Variants in TOP2B observed in about 807,000 individuals in gnomAD.
TOP2B encodes DNA topoisomerase II beta, also known as DNA topoisomerase 2-beta.
In TOP2B, 51 loss-of-function variants were observed where a neutral mutation model predicts 193.5. That is an observed-to-expected ratio of 0.26 (90% confidence interval 0.21 to 0.33). TOP2B has a LOEUF of 0.33. Among genes scored for constraint, TOP2B ranks in the 10% least tolerant of loss-of-function variants. TOP2B has a pLI of 1.00. For missense variants in TOP2B, 1,378 were observed against 1,909.3 expected (o/e 0.72, Z 5.19); for synonymous variants, 634 against 635.7 (o/e 1.00, Z 0.04).
intron 1 of TOP2B, among the ~76,000 whole-genome samples, chr3:25,646,984 A>G (rs535821661): frequency 6.6e-6 from 1 of 152,306 alleles, no homozygotes; most frequent in East Asian, 1.9e-4. Context: ...ACATTCCTAC[A>G]TTTATAAGTT....
At chr3:25,598,505 G>A in intron 35 of TOP2B, 28 bp from the exon 36 acceptor site, 2 of 1,525,188 alleles carry the variant, frequency 1.3e-6, no homozygotes, top group Non-Finnish European at 1.8e-6. Context: ...AGATTTAAAA[G>A]TTATGAAAGG....
chr3:25,664,243 C>G lies in TOP2B; in HGVS notation c.55G>C (p.Ala19Pro), dbSNP rs777837072. ...AGAGVGGGNG[A>P]LTWVTLFDQN... The stretch of plus-strand genomic sequence containing the variant: ...CAGCCACTTACCACCCAGGTCAGTG[C>G]CCCGTTGCCGCCGCCCACGCCGGCT... The change falls in exon 1 of 36, where the codon GCA becomes CCA. Residue 19 changes from alanine (A) to proline (P), a missense_variant. Transcript: ENST00000264331. 34 of 1,538,678 alleles carry G rather than the reference C, an allele frequency of 2.2e-5. No individual in the cohort carries two copies. The East Asian group carries it at 6.4e-4, about 29-fold the overall frequency.
In TOP2B at chr3:25,633,876, G is replaced by A. The variant is rs762255155; in HGVS notation, c.991C>T (p.Gln331Ter). The A allele has an allele frequency of 6.2e-7, 1 of 1,611,924 alleles. No homozygotes were observed. Among genetic ancestry groups the A allele is most frequent in the South Asian group, 1.1e-5 (1 of 90,730 alleles). Residue 331 changes from glutamine to a stop codon, truncating the protein, a stop_gained, in exon 8 of 36, where the codon CAA becomes TAA. Transcript: ENST00000264331. LOFTEE classifies it high-confidence loss of function. ...GCAATACTATTTACAAAGCTGATTT[G>A]CTGGAATCCTTTTTCACTCAATGTG... Reference protein sequence around the residue: ...CLTLSEKGFQQISFVNSIATT... With the variant: ...CLTLSEKGFQ
At chr3:25,601,249 C>T (rs1365381858) in intron 33 of TOP2B, 24 bp from the exon 34 acceptor site, 4 of 1,606,438 alleles carry the variant, frequency 2.5e-6, no homozygotes, top group South Asian at 2.2e-5. Context: ...TTCCATTTCA[C>T]AGGTCAATAT....
At chr3:25,606,905 C>CAGCATTA (rs1702249034) in intron 31 of TOP2B, among the ~76,000 whole-genome samples, 1 of 152,130 alleles carries the variant, frequency 6.6e-6, no homozygotes, top group African/African-American at 2.4e-5. Context: ...ACTAGAATGG[C>CAGCATTA]AGCATTAAGT....
chr3:25,608,764 C>G (rs1477262699), intron 30 of TOP2B, among the ~76,000 whole-genome samples: 2 of 152,068 alleles, frequency 1.3e-5, no homozygotes, highest in Non-Finnish European at 2.9e-5. Flanking sequence ...TTCACCCGCA[C>G]AACTATCATT....
Position 25,632,775 on chromosome 3 carries a change from T to C in TOP2B, c.1046A>G (p.Tyr349Cys). Residue 349 changes from tyrosine to cysteine, a missense_variant, in exon 9 of 36, where the codon TAT (tyrosine) becomes TGT (cysteine). Physicochemically the swap from Tyr to Cys is radical, Grantham distance 194. Transcript: ENST00000264331. ...TTTACCAACAACTTGATCTACCACA[T>C]AATCCACGTGCCGTCCACCCTAAAG... ...ATTKGGRHVD[Y>C]VVDQVVGKLI... 1.2e-6 allele frequency: 2 copies of C among 1,613,134 alleles called. No individual in the cohort carries two copies. The highest frequency in any genetic ancestry group is 1.7e-6 in the Non-Finnish European group (2 of 1,179,358).
chr3:25,598,327 C>A lies in TOP2B; in HGVS notation c.4861G>T (p.Asp1621Tyr). ...GGCACTTAATTAAACATTGCAAAAT[C>A]AACATCATCTTCTTCTTCATCAGAC... is the stretch of plus-strand genomic sequence containing the variant. ...AESDEEEDDV[D>Y]FAMFN The change falls in exon 36 of 36, where the codon GAT becomes TAT. Residue 1621 changes from aspartate to tyrosine, a missense_variant. Coordinates refer to ENST00000264331, the MANE Select transcript of TOP2B (RefSeq NM_001330700.2). 1 of 1,609,418 alleles carries A rather than the reference C, an allele frequency of 6.2e-7. No individual in the cohort carries two copies. The highest frequency in any genetic ancestry group is 8.5e-7 in the Non-Finnish European group (1 of 1,177,662).
rs751085694 is a variant in TOP2B at position 25,626,881 on chromosome 3, A to G, written c.2017-17T>C. The G allele has an allele frequency of 5.4e-6, 8 of 1,475,268 alleles. No homozygotes were observed. In the South Asian group the frequency reaches 8.5e-5, roughly 16 times the overall value. The allele number at this position is 1,475,268 out of a possible 1,614,324, so 91.4% of individuals were successfully genotyped here. A position where few individuals can be genotyped will look rare whatever the true frequency, so the allele number is the denominator to read the frequency against. ...ACTAAATGCCTGAAAGATTCCAGGTAACGATTTTGCACATTAAAAATAAAA... is the reference window on the plus strand; with the variant it reads ...ACTAAATGCCTGAAAGATTCCAGGTGACGATTTTGCACATTAAAAATAAAA... On this transcript the variant is annotated splice_polypyrimidine_tract_variant and intron_variant, in intron 16 of 35. Transcript: ENST00000264331.
intron 3 of TOP2B, among the ~76,000 whole-genome samples, chr3:25,642,908 C>A (rs1324705841): frequency 6.6e-6 from 1 of 152,142 alleles, no homozygotes; most frequent in Admixed American, 6.5e-5. Context: ...TTTTTGCATT[C>A]ATTAACCACT....
chr3:25,644,856 G>A lies in TOP2B; in HGVS notation c.240+444C>T, dbSNP rs1042957644. Reference sequence around the variant, plus strand: ...GTCGCCCAGGCTGGAGTGCAGTGGCGTGATCTCGGCTCACTGCAAGCTCCG... The same window carrying A: ...GTCGCCCAGGCTGGAGTGCAGTGGCATGATCTCGGCTCACTGCAAGCTCCG... On this transcript the variant is annotated intron_variant, in intron 2 of 35. Coordinates refer to ENST00000264331, the MANE Select transcript of TOP2B (RefSeq NM_001330700.2). Among the ~76,000 whole-genome samples, 6 of 151,758 alleles carry A rather than the reference G, an allele frequency of 4.0e-5. No homozygotes were observed. The South Asian group carries it at 8.4e-4, about 21-fold the overall frequency.
intron 33 of TOP2B, 149 bp downstream of exon 33, chr3:25,604,611 C>T: frequency 1.7e-6 from 1 of 598,962 alleles, no homozygotes; most frequent in Non-Finnish European, 2.8e-6. Context: ...CCTCAGATGG[C>T]TAGAAAACGA....
intron 34 of TOP2B, among the ~76,000 whole-genome samples, chr3:25,600,338 A>G (rs1178610576): frequency 6.6e-6 from 1 of 152,212 alleles, no homozygotes; most frequent in East Asian, 1.9e-4. Flanking sequence ...TAATCTTGGG[A>G]TGTCATATTT....
At chr3:25,650,906 T>C (rs78452081) in intron 1 of TOP2B, among the ~76,000 whole-genome samples, 2,729 of 152,346 alleles carry the variant, frequency 0.018, 37 homozygotes, top group Middle Eastern at 0.044. Context: ...AACTTGATGT[T>C]TGTTCTTGCT....
chr3:25,634,247 T>C (rs909881596), intron 7 of TOP2B, among the ~76,000 whole-genome samples: 2 of 152,124 alleles, frequency 1.3e-5, no homozygotes, highest in Non-Finnish European at 2.9e-5. Flanking sequence ...AGGTAAATTG[T>C]TATAAAATAT....
Position 25,598,074 on chromosome 3 carries a change from C to T in TOP2B, c.*233G>A, listed in dbSNP as rs1413021971. On this transcript the variant is annotated 3_prime_UTR_variant, in exon 36 of 36. Transcript: ENST00000264331. ...AATTAAAATCTGTGCTAATGCACGGCAGTCTATAACAATTCTACAAGCCAA... is the reference window on the plus strand; with the variant it reads ...AATTAAAATCTGTGCTAATGCACGGTAGTCTATAACAATTCTACAAGCCAA... The T allele has an allele frequency of 6.1e-6, 2 of 330,096 alleles. No homozygotes were observed. The highest frequency in any genetic ancestry group is 9.6e-5 in the Admixed American group (2 of 20,922). The allele number at this position is 330,096 out of a possible 1,614,324, so 20.4% of individuals were successfully genotyped here.
chr3:25,600,107 T>C (rs1702051286), intron 34 of TOP2B, among the ~76,000 whole-genome samples: 1 of 152,186 alleles, frequency 6.6e-6, no homozygotes, highest in African/African-American at 2.4e-5. Flanking sequence ...AAATACATAT[T>C]CCTTCTCAGA....
At chr3:25,652,339 T>C (rs1703616472) in intron 1 of TOP2B, among the ~76,000 whole-genome samples, 1 of 152,158 alleles carries the variant, frequency 6.6e-6, no homozygotes, top group Non-Finnish European at 1.5e-5. Flanking sequence ...ACAGACATAC[T>C]CAGAACACTC....
intron 33 of TOP2B, among the ~76,000 whole-genome samples, chr3:25,601,589 GCAA>G (rs374824437): frequency 1.1e-3 from 161 of 152,092 alleles, no homozygotes; most frequent in Non-Finnish European, 1.8e-3. Flanking sequence ...CTCCAGTTGA[GCAA>G]CAAGAGCAAA....
Sources: allele counts gnomAD v4.1 joint callset (sites outside exome capture counted in the v4.1 genomes callset), GRCh38; gene constraint gnomAD v4.1.1; transcripts MANE v1.5; gene names NCBI Gene and HGNC (gene_info 2026-07-23, HGNC 2026-07-21).